CDH18: variants seen among roughly 807,000 people sequenced by gnomAD.
CDH18 encodes cadherin-18.
In CDH18, 31 loss-of-function variants were observed where a neutral mutation model predicts 67.9. The observed-to-expected ratio is 0.46, with a 90% CI of 0.34 to 0.62. CDH18 has a LOEUF of 0.62. Among genes scored for constraint, CDH18 ranks in the 20% least tolerant of loss-of-function variants. The pLI, the probability that CDH18 is intolerant of heterozygous loss-of-function variation, is 0.01. For missense variants in CDH18, 890 were observed against 975.5 expected (o/e 0.91, Z 1.17); for synonymous variants, 362 against 347.2 (o/e 1.04, Z -0.48).
At chr5:19,627,716 C>G (rs1403311466) in intron 5 of CDH18, among the ~76,000 whole-genome samples, 1 of 152,114 alleles carries the variant, frequency 6.6e-6, no homozygotes, top group East Asian at 1.9e-4. Context: ...TGGCATGCCA[C>G]TGACTGCTAG....
chr5:19,928,412 T>G (rs1014204246), intron 2 of CDH18, among the ~76,000 whole-genome samples: 2 of 152,092 alleles, frequency 1.3e-5, no homozygotes, highest in African/African-American at 4.8e-5. Context: ...AAGATGGGAA[T>G]TCTACGCATG....
intron 12 of CDH18, among the ~76,000 whole-genome samples, chr5:19,482,999 A>T (rs376877704): frequency 2.8e-4 from 43 of 152,078 alleles, no homozygotes; most frequent in African/African-American, 9.9e-4. Context: ...CTTGCCAAAA[A>T]TTTTTAAAAG....
intron 1 of CDH18, among the ~76,000 whole-genome samples, chr5:20,374,833 G>T (rs1461233308): frequency 6.6e-6 from 1 of 152,050 alleles, no homozygotes; most frequent in Non-Finnish European, 1.5e-5. Context: ...GTGTTAAACT[G>T]AGATAAGAAT....
chr5:20,265,236 T>C (rs1744941958), intron 1 of CDH18, among the ~76,000 whole-genome samples: 2 of 152,002 alleles, frequency 1.3e-5, no homozygotes, highest in African/African-American at 4.8e-5. Context: ...AAAGACAAAC[T>C]TTTTTTTCCT....
chr5:20,287,115 T>C (rs960867610), intron 1 of CDH18, among the ~76,000 whole-genome samples: 5 of 151,824 alleles, frequency 3.3e-5, no homozygotes, highest in African/African-American at 9.7e-5. Context: ...GAACTGTTAT[T>C]CTATGCCTAA....
At chr5:19,973,040 CAGT>C (rs1798175099) in intron 2 of CDH18, among the ~76,000 whole-genome samples, 1 of 151,626 alleles carries the variant, frequency 6.6e-6, no homozygotes, top group Admixed American at 6.6e-5. Context: ...AAAAGCCTTT[CAGT>C]AGTAGAACAA....
At chr5:20,090,565 A>G (rs1745329900) in intron 2 of CDH18, among the ~76,000 whole-genome samples, 1 of 152,030 alleles carries the variant, frequency 6.6e-6, no homozygotes, top group East Asian at 1.9e-4. Context: ...CAAACAAACA[A>G]ACAAAAAAGA....
intron 1 of CDH18, among the ~76,000 whole-genome samples, chr5:20,336,754 A>AAAAAAAAAAAAAAC (rs1739806802): frequency 7.5e-6 from 1 of 133,076 alleles, no homozygotes; most frequent in Non-Finnish European, 1.6e-5. Flanking sequence ...AAAAAAAAAA[A>AAAAAAAAAAAAAAC]AGAACTTTTC....
At chr5:20,340,903 G>A (rs1740202643) in intron 1 of CDH18, among the ~76,000 whole-genome samples, 1 of 152,050 alleles carries the variant, frequency 6.6e-6, no homozygotes, top group Admixed American at 6.5e-5. Flanking sequence ...ATGCCTGAAA[G>A]CCCAACTGCT....
intron 2 of CDH18, among the ~76,000 whole-genome samples, chr5:20,165,716 ATTTTG>A (rs1157922554): frequency 2.0e-5 from 3 of 152,050 alleles, no homozygotes; most frequent in Non-Finnish European, 4.4e-5. Context: ...TCACATCTAT[ATTTTG>A]TTTTATTTAT....
At chr5:20,302,288 T>G (rs185784669) in intron 1 of CDH18, among the ~76,000 whole-genome samples, 1 of 152,134 alleles carries the variant, frequency 6.6e-6, no homozygotes, top group Non-Finnish European at 1.5e-5. Context: ...TTTTTAAAAG[T>G]TGAATAAACT....
chr5:19,955,073 G>A (rs1288907083), intron 2 of CDH18, among the ~76,000 whole-genome samples: 4 of 152,090 alleles, frequency 2.6e-5, no homozygotes, highest in Non-Finnish European at 5.9e-5. Context: ...TCTCAGGAGA[G>A]CTGATGGTTT....
chr5:20,291,883 G>A (rs1483968981), intron 1 of CDH18, among the ~76,000 whole-genome samples: 1 of 152,092 alleles, frequency 6.6e-6, no homozygotes, highest in Non-Finnish European at 1.5e-5. Flanking sequence ...AATTCAGAAT[G>A]TCTCCTCTGG....
chr5:20,239,306 A>G (rs940417418), intron 2 of CDH18, among the ~76,000 whole-genome samples: 1 of 152,128 alleles, frequency 6.6e-6, no homozygotes, highest in East Asian at 1.9e-4. Flanking sequence ...ATACAAAAAA[A>G]CTATCTGGGC....
chr5:19,800,523 A>G (rs1023582916), intron 3 of CDH18, among the ~76,000 whole-genome samples: 7 of 152,152 alleles, frequency 4.6e-5, no homozygotes, highest in African/African-American at 1.7e-4. Flanking sequence ...AAAAAAATGG[A>G]AAGTAATTGT....
chr5:19,680,649 C>A (rs1760159182), intron 5 of CDH18, among the ~76,000 whole-genome samples: 1 of 151,764 alleles, frequency 6.6e-6, no homozygotes, highest in African/African-American at 2.4e-5. Flanking sequence ...ATGTGGCCAA[C>A]AAGCATATGA....
chr5:20,210,780 A>C (rs1053127507), intron 2 of CDH18, among the ~76,000 whole-genome samples: 1 of 152,012 alleles, frequency 6.6e-6, no homozygotes, highest in African/African-American at 2.4e-5. Context: ...AGTGTCTTAT[A>C]ATAGTTCATA....
intron 1 of CDH18, among the ~76,000 whole-genome samples, chr5:20,378,362 G>C (rs1247567774): frequency 6.6e-6 from 1 of 152,034 alleles, no homozygotes; most frequent in African/African-American, 2.4e-5. Flanking sequence ...TAGTAGAGAC[G>C]GGGTTTCACC....
intron 1 of CDH18, among the ~76,000 whole-genome samples, chr5:20,270,067 C>A (rs1389725988): frequency 6.6e-6 from 1 of 151,648 alleles, no homozygotes; most frequent in Non-Finnish European, 1.5e-5. Context: ...AAGATGATGA[C>A]CTGAATGCTT....
Sources: allele counts gnomAD v4.1 joint callset (sites outside exome capture counted in the v4.1 genomes callset), GRCh38; gene constraint gnomAD v4.1.1; transcripts MANE v1.5; gene names NCBI Gene and HGNC (gene_info 2026-07-23, HGNC 2026-07-21).